The following LARP4 variants were observed in gnomAD, a reference collection of about 807,000 sequenced individuals.
LARP4 encodes la-related protein 4.
Under a neutral mutation model 92.9 loss-of-function variants are expected in LARP4, and 29 were observed. That is an observed-to-expected ratio of 0.31 (90% CI 0.23 to 0.43). LARP4 has a LOEUF of 0.43. LARP4 is among the 20% of genes least tolerant of loss of function. The pLI is 1.00. For missense variants in LARP4, 732 were observed against 860.0 expected, an observed-to-expected ratio of 0.85 and a Z score of 1.86; for synonymous variants, 279 against 284.1, an observed-to-expected ratio of 0.98 and a Z score of 0.18.
At chr12:50,471,801 G>C (rs1330479292) in intron 13 of LARP4, among the ~76,000 whole-genome samples, 1 of 152,196 alleles carries the variant, frequency 6.6e-6, no homozygotes. Flanking sequence ...AGGTTGACAG[G>C]TGTGAGCCAC....
chr12:50,427,978 A>C, intron 2 of LARP4, 69 bp downstream of exon 2: 3 of 877,762 alleles, frequency 3.4e-6, no homozygotes, highest in East Asian at 2.8e-5. Flanking sequence ...AGTTTACTGA[A>C]CTTGAGACAC....
intron 8 of LARP4, among the ~76,000 whole-genome samples, chr12:50,446,329 GTCTCTCTCTCTCCC>G (rs1565647552): frequency 3.6e-5 from 2 of 55,454 alleles, no homozygotes; most frequent in African/African-American, 6.9e-5. Context: ...TTGACTAGTG[GTCTCTCTCTCTCCC>G]TCTCTCTCTC....
Position 50,475,615 on chromosome 12 carries a change from C to T in LARP4, c.1926C>T (p.Arg642=). ...TTGTGCAGCCACTACGGGAACTTCGCTCCAATGTGGTGTCTCCCACCAAAA... is the reference window on the plus strand; with the variant it reads ...TTGTGCAGCCACTACGGGAACTTCGTTCCAATGTGGTGTCTCCCACCAAAA... ...SVLVQPLREL[R]SNVVSPTKNE... Residue 642 remains arginine (R), a synonymous_variant, in exon 16 of 16, where the codon CGC becomes CGT. Transcript: ENST00000398473. 3 of 1,614,144 alleles carry T rather than the reference C, an allele frequency of 1.9e-6. No homozygotes were observed. Among genetic ancestry groups the T allele is most frequent in the Non-Finnish European group, 1.7e-6 (2 of 1,180,026 alleles).
At chr12:50,433,101 A>G (rs753995630) in intron 4 of LARP4, among the ~76,000 whole-genome samples, 4 of 151,934 alleles carry the variant, frequency 2.6e-5, no homozygotes, top group African/African-American at 9.7e-5. Context: ...CATTACACTT[A>G]CCACATACTT....
At chr12:50,438,476 G>C (rs937848408) in intron 6 of LARP4, among the ~76,000 whole-genome samples, 1 of 136,516 alleles carries the variant, frequency 7.3e-6, no homozygotes, top group East Asian at 2.1e-4. Context: ...GGGTTACAGA[G>C]TGAGACTCTT....
chr12:50,424,648 A>G (rs1252309907), intron 1 of LARP4, among the ~76,000 whole-genome samples: 2 of 152,030 alleles, frequency 1.3e-5, no homozygotes, highest in East Asian at 3.9e-4. Context: ...GTGAGCCACC[A>G]TGCCCAGCCA....
In LARP4 at chr12:50,474,057, A is replaced by C; in HGVS notation, c.1726A>C (p.Asn576His). 6.2e-7 allele frequency: 1 copy of C among 1,612,508 alleles called. No homozygotes were observed. The change falls in exon 15 of 16, where the codon AAT becomes CAT. Residue 576 changes from asparagine to histidine, a missense_variant. Transcript: ENST00000398473. ...TTCCTCTGTTCAGAAGGATGGTCTCAATCAGACAACTATACCAGTTTCTCC... is the reference window on the plus strand; with the variant it reads ...TTCCTCTGTTCAGAAGGATGGTCTCCATCAGACAACTATACCAGTTTCTCC... ...EDSSVQKDGLNQTTIPVSPPS... is the reference protein window; with the variant it reads ...EDSSVQKDGLHQTTIPVSPPS...
chr12:50,452,407 C>T (rs559535521), intron 8 of LARP4, among the ~76,000 whole-genome samples: 116 of 152,170 alleles, frequency 7.6e-4, no homozygotes, highest in African/African-American at 2.7e-3. Context: ...GTCTGGAATT[C>T]ATGACCTCAA....
chr12:50,460,878 G>T (rs1705036935), intron 10 of LARP4, among the ~76,000 whole-genome samples: 1 of 150,462 alleles, frequency 6.6e-6, no homozygotes, highest in Non-Finnish European at 1.5e-5. Flanking sequence ...GGAAGGCAGA[G>T]CTTGCAGTGA....
rs71441367 is a variant in LARP4 at position 50,446,003 on chromosome 12, C to CTT, written c.804+4376_804+4377dup. Reference sequence around the variant, plus strand: ...TTGCCGTTTTCTTTTTTTCTTTTTTCTTTTTTTTTTTTTTTTTGAGACGGA... The same window carrying CTT: ...TTGCCGTTTTCTTTTTTTCTTTTTTCTTTTTTTTTTTTTTTTTTTGAGACGGA... On this transcript the variant is annotated intron_variant, in intron 8 of 15. Coordinates refer to ENST00000398473, the MANE Select transcript of LARP4 (RefSeq NM_052879.5). 1.4e-3 allele frequency among the ~76,000 whole-genome samples: 180 copies of CTT among 126,928 alleles called. 1 individual carries two copies. The highest frequency in any genetic ancestry group is 1.9e-3 in the Admixed American group (23 of 12,294). 83.3% of individuals were successfully genotyped at this position (126,928 alleles called of 152,430 possible). A position where few individuals can be genotyped will look rare whatever the true frequency, so the allele number is the denominator to read the frequency against.
At chr12:50,461,043 C>T in intron 10 of LARP4, 92 bp from the exon 11 acceptor site, 4 of 947,896 alleles carry the variant, frequency 4.2e-6, no homozygotes, top group Non-Finnish European at 6.8e-6. Flanking sequence ...TTTGAAAACC[C>T]CAGTACAACA....
At chr12:50,412,093 TG>T (rs1946010424) in intron 1 of LARP4, among the ~76,000 whole-genome samples, 1 of 152,214 alleles carries the variant, frequency 6.6e-6, no homozygotes, top group African/African-American at 2.4e-5. Context: ...AAAATGTGGA[TG>T]ATAATAGGAC....
At chr12:50,429,883 C>T (rs1046585424) in intron 3 of LARP4, among the ~76,000 whole-genome samples, 2 of 152,126 alleles carry the variant, frequency 1.3e-5, no homozygotes, top group Admixed American at 1.3e-4. Context: ...AAGTAATCCA[C>T]CTGCCTTTGG....
chr12:50,463,273 A>C (rs897958973), intron 12 of LARP4, among the ~76,000 whole-genome samples: 1 of 151,522 alleles, frequency 6.6e-6, no homozygotes, highest in Non-Finnish European at 1.5e-5. Flanking sequence ...CGGTCAGGAC[A>C]TCTTCAAAGC....
At chr12:50,457,959 T>A (rs1407157198) in intron 10 of LARP4, among the ~76,000 whole-genome samples, 1 of 150,276 alleles carries the variant, frequency 6.7e-6, no homozygotes, top group Non-Finnish European at 1.5e-5. Flanking sequence ...TTTAAGACAG[T>A]GTTTTGCCCT....
intron 10 of LARP4, among the ~76,000 whole-genome samples, chr12:50,459,555 G>GT (rs1298740994): frequency 6.6e-6 from 1 of 152,098 alleles, no homozygotes. Context: ...GCTGGGCCTG[G>GT]TGGCTCACAC....
At chr12:50,452,118 A>G (rs770344806) in intron 8 of LARP4, among the ~76,000 whole-genome samples, 3 of 152,252 alleles carry the variant, frequency 2.0e-5, no homozygotes, top group Non-Finnish European at 4.4e-5. Flanking sequence ...AGCCACTATA[A>G]GTAATGCTGC....
At chr12:50,401,302 A>G (rs538641064) in intron 1 of LARP4, 6 of 506,392 alleles carry the variant, frequency 1.2e-5, no homozygotes, top group African/African-American at 1.2e-4. Flanking sequence ...GAGGAAGGGG[A>G]AAGTGTCCCA....
intron 13 of LARP4, among the ~76,000 whole-genome samples, chr12:50,469,594 ACT>A (rs1956648925): frequency 1.2e-5 from 1 of 82,688 alleles, no homozygotes; most frequent in Non-Finnish European, 2.4e-5. Flanking sequence ...ACAGAGCGAG[ACT>A]CTATCAAAAA....
Sources: gnomAD v4.1 joint callset for allele counts (sites outside exome capture counted in the v4.1 genomes callset) on GRCh38, gnomAD v4.1.1 for gene constraint, MANE v1.5 for transcripts, NCBI Gene and HGNC (gene_info 2026-07-23, HGNC 2026-07-21) for gene names.